Variants in PDHB observed in about 807,000 individuals in gnomAD.
PDHB encodes the protein pyruvate dehydrogenase E1 subunit beta.
PDHB carries 17 observed loss-of-function variants against 42.8 expected under a neutral mutation model. The observed-to-expected ratio is 0.40, with a 90% confidence interval of 0.27 to 0.60. The LOEUF (loss-of-function observed/expected upper bound fraction) is 0.60. PDHB is among the 20% of genes least tolerant of loss of function. PDHB has a pLI of 0.46. For synonymous variants in PDHB, 154 were observed against 148.7 expected (o/e 1.04, Z -0.26); for missense variants, 322 against 451.3 (o/e 0.71, Z 2.60).
At chr3:58,432,915 CTTG>C (rs2062936863) in intron 2 of PDHB, 2 of 152,522 alleles carry the variant, frequency 1.3e-5, no homozygotes, top group African/African-American at 4.8e-5. Flanking sequence ...GCGAGAATCC[CTTG>C]AGCCCAGGAG....
At chr3:58,433,470 G>C (rs2062941703) in intron 2 of PDHB, 161 bp downstream of exon 2, 1 of 750,398 alleles carries the variant, frequency 1.3e-6, no homozygotes, top group Non-Finnish European at 2.2e-6. Context: ...CTAATTGCCA[G>C]GCGGCGACAG....
At chr3:58,433,591 C>A in intron 2 of PDHB, 40 bp downstream of exon 2, 1 of 1,581,578 alleles carries the variant, frequency 6.3e-7, no homozygotes, top group Non-Finnish European at 8.6e-7. Context: ...GAAGGGGGGA[C>A]CCTCCCCGCC....
chr3:58,428,715 A>G, intron 8 of PDHB, 101 bp from the exon 9 acceptor site: 1 of 1,032,648 alleles, frequency 9.7e-7, no homozygotes, highest in Admixed American at 1.9e-5. Context: ...TAATCTTTGT[A>G]TCTAGGAAAA....
chr3:58,431,896 T>C lies in PDHB; in HGVS notation c.185A>G (p.Gln62Arg), dbSNP rs777514148. The change falls in exon 3 of 10, where the codon CAG becomes CGG. Residue 62 changes from glutamine to arginine, a missense_variant. By Grantham distance (43) the Gln-to-Arg change is conservative (BLOSUM62 1). Around this residue, in one of 3 missense-constraint regions of PDHB, gnomAD observed 56 missense variants for 124.2 expected, o/e 0.45. Coordinates refer to ENST00000302746, the MANE Select transcript of PDHB (RefSeq NM_000925.4). This position sits in a 1 kb window ranked among gnomAD's most constrained non-coding sequence, Gnocchi z 4.4. ...AGTTACCTTGTATGCCCCATCATAC[T>C]GGGCAACTTCTTCTCCAAGCAGAAA... ...KVFLLGEEVAQYDGAYKVSRG... is the reference protein window; with the variant it reads ...KVFLLGEEVARYDGAYKVSRG... 60 of 1,612,742 alleles carry C rather than the reference T, an allele frequency of 3.7e-5. No individual in the cohort carries two copies. Among genetic ancestry groups the C allele is most frequent in the Non-Finnish European group, 5.0e-5 (59 of 1,178,794 alleles).
chr3:58,433,482 G>GGCA (rs2107943278), intron 2 of PDHB, 149 bp downstream of exon 2: 1 of 827,820 alleles, frequency 1.2e-6, no homozygotes, highest in African/African-American at 1.7e-5. Flanking sequence ...CGGCGACAGA[G>GGCA]GCAGCAGGAG....
At chr3:58,428,390 C>G in intron 9 of PDHB, 83 bp downstream of exon 9, 1 of 1,487,186 alleles carries the variant, frequency 6.7e-7, no homozygotes, top group Non-Finnish European at 9.4e-7. Context: ...TCCTAGCTTT[C>G]AATCTCTTTA....
chr3:58,433,265 G>T (rs1354004325), intron 2 of PDHB: 1 of 374,034 alleles, frequency 2.7e-6, no homozygotes, highest in East Asian at 5.8e-5. Context: ...TTCTGGAAAT[G>T]GATGGTGGTT....
intron 2 of PDHB, 67 bp downstream of exon 2, chr3:58,433,564 C>T: frequency 6.6e-7 from 1 of 1,519,708 alleles, no homozygotes; most frequent in Non-Finnish European, 8.9e-7. Context: ...GGCGCGACTC[C>T]GGCCTCCTTC....
intron 2 of PDHB, chr3:58,433,192 T>G: frequency 8.5e-6 from 2 of 235,592 alleles, no homozygotes; most frequent in South Asian, 5.5e-5. Context: ...TACCAGGGGT[T>G]TGGGGAAGGG....
rs546485141 is a variant in PDHB at position 58,427,861 on chromosome 3, G to A, written c.*173C>T. 50 of 673,150 alleles carry A rather than the reference G, an allele frequency of 7.4e-5. No individual in the cohort carries two copies. The East Asian group carries it at 1.4e-3, about 19-fold the overall frequency. 41.7% of individuals were successfully genotyped at this position (673,150 alleles called of 1,614,324 possible). A position where few individuals can be genotyped will look rare whatever the true frequency, so the allele number is the denominator to read the frequency against. On this transcript the variant is annotated 3_prime_UTR_variant, in exon 10 of 10. Coordinates refer to ENST00000302746, the MANE Select transcript of PDHB (RefSeq NM_000925.4). ...AGGAAGCATGGCATCTAGGGGAGGA[G>A]AGTGGAGAGTTTTCCATACACAAAC...
In PDHB at chr3:58,428,144, G is replaced by A. The variant is rs1234397875; in HGVS notation, c.970C>T (p.Arg324Cys). 9 of 1,613,600 alleles carry A rather than the reference G, an allele frequency of 5.6e-6. No individual in the cohort carries two copies. Among genetic ancestry groups the A allele is most frequent in the Non-Finnish European group, 7.6e-6 (9 of 1,179,614 alleles). ...AFNFLDAPAVRVTGADVPMPY... is the reference protein window; with the variant it reads ...AFNFLDAPAVCVTGADVPMPY... ...ATAGGGACATCAGCACCAGTGACAC[G>A]AACAGCAGGAGCATCCAGGAAATTG... Residue 324 changes from arginine (R) to cysteine (C), a missense_variant, in exon 10 of 10, where the codon CGT (arginine) becomes TGT (cysteine). By Grantham distance (180) the Arg-to-Cys change is radical (BLOSUM62 -3). Transcript: ENST00000302746.
chr3:58,432,374 A>C (rs1306423035), intron 2 of PDHB: 2 of 320,146 alleles, frequency 6.2e-6, no homozygotes, highest in African/African-American at 4.4e-5. Flanking sequence ...ATACTTGCAC[A>C]TCAATGTTCA....
At position 58,428,565 on chromosome 3, in the gene PDHB, G is replaced by A; in HGVS notation, c.842C>T (p.Ala281Val). ...IRPMDMETIE[A>V]SVMKTNHLVT... ...AAGATGATTTGTCTTCATGACACTGGCTTCTATGGTTTCCATGTCCATTGG... is the reference window on the plus strand; with the variant it reads ...AAGATGATTTGTCTTCATGACACTGACTTCTATGGTTTCCATGTCCATTGG... Residue 281 changes from alanine (A) to valine (V), a missense_variant, in exon 9 of 10, where the codon GCC (alanine) becomes GTC (valine). Around this residue, in one of 3 missense-constraint regions of PDHB, gnomAD observed 208 missense variants for 285.0 expected, o/e 0.73. Coordinates refer to ENST00000302746, the MANE Select transcript of PDHB (RefSeq NM_000925.4). 1 of 1,613,314 alleles carries A rather than the reference G, an allele frequency of 6.2e-7. No individual in the cohort carries two copies. Among genetic ancestry groups the A allele is most frequent in the East Asian group, 2.2e-5 (1 of 44,876 alleles).
chr3:58,429,312 T>C (rs1431792573), intron 8 of PDHB, among the ~76,000 whole-genome samples: 1 of 151,874 alleles, frequency 6.6e-6, no homozygotes, highest in African/African-American at 2.4e-5. Flanking sequence ...ACATGGTGAG[T>C]TTCTAAAAGA....
Position 58,428,492 on chromosome 3 carries a change from G to T in PDHB, c.915C>A (p.Ile305=), listed in dbSNP as rs140921216. The part of the protein sequence containing the change: ...GWPQFGVGAE[I]CARIMEGPAF... ...AAATACCTTCCATGATCCTGGCACA[G>T]ATTTCAGCTCCTACTCCAAACTGTG... Residue 305 remains isoleucine (I), a synonymous_variant, in exon 9 of 10, where the codon ATC becomes ATA. Coordinates refer to ENST00000302746, the MANE Select transcript of PDHB (RefSeq NM_000925.4). The T allele has an allele frequency of 6.2e-7, 1 of 1,614,042 alleles. No homozygotes were observed. Among genetic ancestry groups the T allele is most frequent in the African/African-American group, 1.3e-5 (1 of 74,914 alleles).
At chr3:58,430,490 G>C (rs1049825255) in intron 6 of PDHB, among the ~76,000 whole-genome samples, 167 bp downstream of exon 6, 2 of 152,096 alleles carry the variant, frequency 1.3e-5, no homozygotes, top group Admixed American at 1.3e-4. Flanking sequence ...CTTATATTCG[G>C]AAATAGGAAA....
chr3:58,430,256 T>C lies in PDHB; in HGVS notation c.590-18A>G. 4 of 1,490,626 alleles carry C rather than the reference T, an allele frequency of 2.7e-6. No homozygotes were observed. The highest frequency in any genetic ancestry group is 1.4e-5 in the African/African-American group (1 of 72,580). 92.3% of individuals were successfully genotyped at this position (1,490,626 alleles called of 1,614,324 possible). A position where few individuals can be genotyped will look rare whatever the true frequency, so the allele number is the denominator to read the frequency against. On this transcript the variant is annotated intron_variant, in intron 6 of 9. Coordinates refer to ENST00000302746, the MANE Select transcript of PDHB (RefSeq NM_000925.4). ...CACCACCACTGAAAAACATAAATAT[T>C]TAAACAAAAGTAATTAATCACATCC...
chr3:58,430,379 G>A (rs1381826981), intron 6 of PDHB, 141 bp from the exon 7 acceptor site: 5 of 682,690 alleles, frequency 7.3e-6, no homozygotes, highest in Admixed American at 2.7e-5. Flanking sequence ...GCAGCCTTGA[G>A]AGCAGTTTAG....
chr3:58,433,230 G>A, intron 2 of PDHB: 1 of 295,564 alleles, frequency 3.4e-6, no homozygotes, highest in African/African-American at 2.2e-5. Context: ...GTAATGGACA[G>A]TTTCTGCTTG....
Sources: allele counts gnomAD v4.1 joint callset (sites outside exome capture counted in the v4.1 genomes callset), GRCh38; gene constraint gnomAD v4.1.1; regional missense constraint gnomAD v4.1.1; non-coding constraint Gnocchi (gnomAD v3.1); transcripts MANE v1.5; gene names NCBI Gene and HGNC (gene_info 2026-07-23, HGNC 2026-07-21).